The following AFF3 variants were observed in gnomAD, a reference collection of about 807,000 sequenced individuals.
AFF3 encodes the protein AF4/FMR2 family member 3.
Under a neutral mutation model 129.7 loss-of-function variants are expected in AFF3, and 32 were observed. The ratio of observed to expected loss-of-function variants is 0.25; its 90% CI spans 0.19 to 0.33. The LOEUF (loss-of-function observed/expected upper bound fraction) is 0.33. Ranked by LOEUF, AFF3 falls within the 10% of genes least tolerant of loss-of-function variation. The probability of loss-of-function intolerance (pLI) is 1.00; values close to 1 mark genes in which losing one functional copy is unlikely to be tolerated. For missense variants in AFF3, 1,373 were observed against 1,592.0 expected, an observed-to-expected ratio of 0.86 and a Z score of 2.34; for synonymous variants, 644 against 635.4, an observed-to-expected ratio of 1.01 and a Z score of -0.20.
intron 13 of AFF3, among the ~76,000 whole-genome samples, chr2:99,615,700 C>A (rs931945861): frequency 5.9e-5 from 9 of 152,216 alleles, no homozygotes; most frequent in South Asian, 2.1e-4. Context: ...TCTTTGGAGG[C>A]TGAGATGGCT....
intron 4 of AFF3, among the ~76,000 whole-genome samples, chr2:100,078,155 C>G (rs769330121): frequency 2.0e-5 from 3 of 152,222 alleles, no homozygotes; most frequent in Non-Finnish European, 4.4e-5. Flanking sequence ...TAGACTGGCT[C>G]AAAGAGCTTC....
At chr2:99,920,672 C>G (rs1317175757) in intron 7 of AFF3, among the ~76,000 whole-genome samples, 1 of 151,882 alleles carries the variant, frequency 6.6e-6, no homozygotes, top group Non-Finnish European at 1.5e-5. Flanking sequence ...CTTTATTCAA[C>G]ATTGTATTGG....
intron 15 of AFF3, among the ~76,000 whole-genome samples, chr2:99,589,690 C>T (rs1054641021): frequency 7.2e-5 from 11 of 152,066 alleles, no homozygotes; most frequent in African/African-American, 1.7e-4. Flanking sequence ...TAAGCCACCA[C>T]GGCCGGCCCA....
chr2:99,756,473 G>A (rs1575883211), intron 8 of AFF3, among the ~76,000 whole-genome samples: 1 of 152,202 alleles, frequency 6.6e-6, no homozygotes, highest in South Asian at 2.1e-4. Flanking sequence ...GTTCATGCCT[G>A]ACCCCGTTGC....
intron 7 of AFF3, among the ~76,000 whole-genome samples, chr2:99,916,379 T>C (rs1558972785): frequency 6.6e-6 from 1 of 152,202 alleles, no homozygotes; most frequent in Non-Finnish European, 1.5e-5. Context: ...TACGCATTTT[T>C]TATTCTCCCT....
chr2:100,013,560 C>A (rs1018004646), intron 4 of AFF3, among the ~76,000 whole-genome samples: 8 of 152,210 alleles, frequency 5.3e-5, no homozygotes, highest in African/African-American at 1.9e-4. Context: ...AGAACAGGAG[C>A]TATCCTGGAG....
intron 7 of AFF3, chr2:100,006,007 T>C (rs1034669145): frequency 6.6e-6 from 1 of 152,224 alleles, no homozygotes; most frequent in African/African-American, 2.4e-5. Flanking sequence ...CATGGTCATA[T>C]TTTTTTCTTC....
intron 13 of AFF3, among the ~76,000 whole-genome samples, chr2:99,635,111 T>C (rs9752022): frequency 0.13 from 19,247 of 148,202 alleles, 1,397 homozygotes; most frequent in East Asian, 0.18. Flanking sequence ...ATATGATATA[T>C]ACACATATCT....
intron 8 of AFF3, among the ~76,000 whole-genome samples, chr2:99,762,005 T>C (rs1259286036): frequency 6.6e-6 from 1 of 152,156 alleles, no homozygotes; most frequent in African/African-American, 2.4e-5. Context: ...CTCTTTTCCT[T>C]TCACGTTATT....
intron 4 of AFF3, among the ~76,000 whole-genome samples, chr2:100,089,059 C>A (rs1322161405): frequency 6.6e-6 from 1 of 152,076 alleles, no homozygotes; most frequent in Non-Finnish European, 1.5e-5. Context: ...ACAGACCCTG[C>A]CTGCTCTAAA....
At chr2:100,118,812 G>A (rs1691829982) in intron 2 of AFF3, among the ~76,000 whole-genome samples, 2 of 147,112 alleles carry the variant, frequency 1.4e-5, no homozygotes, top group Non-Finnish European at 1.5e-5. Flanking sequence ...GGAAAATTCT[G>A]ACTTTTTTTT....
At chr2:99,569,929 A>G (rs1296132708) in intron 18 of AFF3, among the ~76,000 whole-genome samples, 2 of 152,196 alleles carry the variant, frequency 1.3e-5, no homozygotes, top group African/African-American at 4.8e-5. Flanking sequence ...CCTTATTGTA[A>G]TATTAGGTAG....
chr2:99,722,488 G>A (rs1356152442), intron 11 of AFF3, among the ~76,000 whole-genome samples: 4 of 152,130 alleles, frequency 2.6e-5, no homozygotes, highest in Non-Finnish European at 5.9e-5. Flanking sequence ...TGCCCTTAAT[G>A]TTACGGTGAC....
chr2:99,745,376 A>C (rs1369440035), intron 9 of AFF3, among the ~76,000 whole-genome samples: 1 of 152,126 alleles, frequency 6.6e-6, no homozygotes, highest in Non-Finnish European at 1.5e-5. Flanking sequence ...AAATTTTCTA[A>C]ATTTAAAGTT....
chr2:99,924,894 G>T (rs550205382), intron 7 of AFF3, among the ~76,000 whole-genome samples: 3,940 of 118,988 alleles, frequency 0.033, 154 homozygotes, highest in African/African-American at 0.11. Context: ...TTTTTTTTTT[G>T]AGGCAGGGTC....
At chr2:99,914,483 A>C (rs1695318864) in intron 7 of AFF3, among the ~76,000 whole-genome samples, 1 of 152,200 alleles carries the variant, frequency 6.6e-6, no homozygotes, top group African/African-American at 2.4e-5. Context: ...CATCATTAGG[A>C]CAACGTGAGA....
At chr2:99,854,068 A>G (rs912369138) in intron 7 of AFF3, among the ~76,000 whole-genome samples, 1 of 152,190 alleles carries the variant, frequency 6.6e-6, no homozygotes, top group Non-Finnish European at 1.5e-5. Flanking sequence ...TTTAAATGCT[A>G]AAGTTCCTTT....
At chr2:99,575,281 T>C (rs1676873152) in intron 18 of AFF3, among the ~76,000 whole-genome samples, 2 of 152,074 alleles carry the variant, frequency 1.3e-5, no homozygotes. Context: ...TTCTTTAAGA[T>C]GGAGTTTCAC....
At position 99,558,893 on chromosome 2, in the gene AFF3, T is replaced by A; in HGVS notation, c.3267A>T (p.Ala1089=). ...KRDHAVKYSK[A]LIDYFKNSSK... ...ACAGTACCTTGAAATAGTCGATTAGTGCTTTTGAATACTTTACAGCGTGGT... is the reference window on the plus strand; with the variant it reads ...ACAGTACCTTGAAATAGTCGATTAGAGCTTTTGAATACTTTACAGCGTGGT... Residue 1089 remains alanine (A), a synonymous_variant, in exon 22 of 25, where the codon GCA becomes GCT. Transcript: ENST00000672756. The A allele has an allele frequency of 2.5e-6, 4 of 1,614,100 alleles. No homozygotes were observed. The highest frequency in any genetic ancestry group is 3.4e-6 in the Non-Finnish European group (4 of 1,179,958).
Sources: gnomAD v4.1 joint callset for allele counts (sites outside exome capture counted in the v4.1 genomes callset) on GRCh38, gnomAD v4.1.1 for gene constraint, MANE v1.5 for transcripts, NCBI Gene and HGNC (gene_info 2026-07-23, HGNC 2026-07-21) for gene names.